ADCY2: variants seen among roughly 807,000 people sequenced by gnomAD.
ADCY2 encodes adenylate cyclase 2.
A neutral mutation model predicts 125.2 loss-of-function variants in ADCY2; 31 were observed. The observed-to-expected ratio is 0.25, with a 90% confidence interval of 0.19 to 0.33. The LOEUF is 0.33. Ranked by LOEUF, ADCY2 falls within the 10% of genes least tolerant of loss-of-function variation. The probability of loss-of-function intolerance (pLI) is 1.00; values close to 1 mark genes in which losing one functional copy is unlikely to be tolerated. For synonymous variants in ADCY2, 512 were observed against 548.4 expected (o/e 0.93, Z 0.93); for missense variants, 904 against 1,418.2 (o/e 0.64, Z 5.82).
Position 7,548,864 on chromosome 5 carries a change from T to C in ADCY2, c.570+27965T>C, listed in dbSNP as rs567744063. On this transcript the variant is annotated intron_variant, in intron 3 of 24. Transcript: ENST00000338316. ...GAAATTAAAAATAAACATGCAACCA[T>C]AATATTTACTTGTCTGCCTTTGTTT... 3.3e-5 allele frequency among the ~76,000 whole-genome samples: 5 copies of C among 152,298 alleles called. No homozygotes were observed. In the South Asian group the frequency reaches 1.0e-3, roughly 32 times the overall value.
chr5:7,494,026 C>T (rs915675449), intron 2 of ADCY2, among the ~76,000 whole-genome samples: 3 of 152,152 alleles, frequency 2.0e-5, no homozygotes, highest in African/African-American at 4.8e-5. Flanking sequence ...CAGGTCCCTC[C>T]TGCTCTGTGC....
At chr5:7,626,459 G>A in intron 4 of ADCY2, 143 bp downstream of exon 4, 3 of 920,250 alleles carry the variant, frequency 3.3e-6, no homozygotes, top group Non-Finnish European at 4.8e-6. Context: ...CCTGGGGAGT[G>A]TCTTAGTCTG....
intron 2 of ADCY2, among the ~76,000 whole-genome samples, chr5:7,474,451 G>A (rs943785721): frequency 1.3e-5 from 2 of 152,220 alleles, no homozygotes; most frequent in African/African-American, 4.8e-5. Context: ...GAGAGGGAGT[G>A]TACTGGACAA....
Position 7,784,493 on chromosome 5 carries a change from G to C in ADCY2, c.2469+44G>C, listed in dbSNP as rs754373411. On this transcript the variant is annotated intron_variant, in intron 19 of 24. Coordinates refer to ENST00000338316, the MANE Select transcript of ADCY2 (RefSeq NM_020546.3). Reference sequence around the variant, plus strand: ...TATATGTATGTATACCTTCTCTAAAGTGCTGTATTAATAGTGCTTTGCTGT... The same window carrying C: ...TATATGTATGTATACCTTCTCTAAACTGCTGTATTAATAGTGCTTTGCTGT... 5 of 1,436,066 alleles carry C rather than the reference G, an allele frequency of 3.5e-6. No homozygotes were observed. The Admixed American group carries it at 6.9e-5, about 20-fold the overall frequency. The allele number at this position is 1,436,066 out of a possible 1,614,324, so 89.0% of individuals were successfully genotyped here.
chr5:7,709,309 C>G lies in ADCY2; in HGVS notation c.1500C>G (p.Ser500=). The part of the protein sequence containing the change: ...ASVRMTRYLE[S]WGAAKPFAHL... ...TCCGCATGACCCGGTACTTGGAGTC[C>G]TGGGGGGCAGCCAAGCCCTTTGCAC... is the stretch of plus-strand genomic sequence containing the variant. Residue 500 remains serine (S), a synonymous_variant, in exon 10 of 25, where the codon TCC becomes TCG. Coordinates refer to ENST00000338316, the MANE Select transcript of ADCY2 (RefSeq NM_020546.3). This position sits in a 1 kb window ranked among gnomAD's most constrained non-coding sequence, Gnocchi z 4.4. The G allele has an allele frequency of 3.1e-6, 5 of 1,613,768 alleles. No individual in the cohort carries two copies. Among genetic ancestry groups the G allele is most frequent in the Non-Finnish European group, 4.2e-6 (5 of 1,179,878 alleles).
chr5:7,750,565 T>G (rs1302047386), intron 15 of ADCY2, among the ~76,000 whole-genome samples: 1 of 152,238 alleles, frequency 6.6e-6, no homozygotes, highest in Non-Finnish European at 1.5e-5. Flanking sequence ...TTATAATCCT[T>G]CCCATGAGGG....
At chr5:7,618,622 T>A (rs573135461) in intron 3 of ADCY2, among the ~76,000 whole-genome samples, 8 of 152,342 alleles carry the variant, frequency 5.3e-5, no homozygotes, top group African/African-American at 1.9e-4. Context: ...GTGGACCACA[T>A]GTGTCACCTA....
At chr5:7,737,438 G>A (rs80303477) in intron 14 of ADCY2, among the ~76,000 whole-genome samples, 5,570 of 152,202 alleles carry the variant, frequency 0.037, 357 homozygotes, top group African/African-American at 0.13. Context: ...AGAAAAGGCA[G>A]GAGTTGCAGG....
intron 3 of ADCY2, among the ~76,000 whole-genome samples, chr5:7,578,631 C>T (rs1257978927): frequency 6.6e-6 from 1 of 152,094 alleles, no homozygotes; most frequent in Non-Finnish European, 1.5e-5. Context: ...GAATCGTGGG[C>T]ATCTTATTTT....
intron 15 of ADCY2, among the ~76,000 whole-genome samples, chr5:7,745,898 G>C (rs1356481393): frequency 6.6e-6 from 1 of 152,160 alleles, no homozygotes; most frequent in African/African-American, 2.4e-5. Flanking sequence ...GAAACATAGA[G>C]CTGGGGGCAG....
chr5:7,568,432 CT>C (rs528341834), intron 3 of ADCY2, among the ~76,000 whole-genome samples: 21 of 148,252 alleles, frequency 1.4e-4, no homozygotes, highest in Non-Finnish European at 2.2e-4. Flanking sequence ...TTTGACAGCC[CT>C]TTTTTTTTTA....
At chr5:7,598,176 G>A (rs533626469) in intron 3 of ADCY2, among the ~76,000 whole-genome samples, 1 of 152,294 alleles carries the variant, frequency 6.6e-6, no homozygotes, top group Admixed American at 6.5e-5. Context: ...AGTGCCTCCT[G>A]TGCTGAGTCC....
Position 7,626,186 on chromosome 5 carries a change from T to C in ADCY2, c.590T>C (p.Ile197Thr). The C allele has an allele frequency of 6.2e-7, 1 of 1,613,982 alleles. No individual in the cohort carries two copies. The highest frequency in any genetic ancestry group is 8.5e-7 in the Non-Finnish European group (1 of 1,179,948). Residue 197 changes from isoleucine (I) to threonine (T), a missense_variant, in exon 4 of 25, where the codon ATT becomes ACT. Around this residue, in one of 7 missense-constraint regions of ADCY2, gnomAD observed 121 missense variants for 161.5 expected, o/e 0.75. Coordinates refer to ENST00000338316, the MANE Select transcript of ADCY2 (RefSeq NM_020546.3). Reference protein sequence around the residue: ...LVWQILANVIIFICGNLAGAY... With the variant: ...LVWQILANVITFICGNLAGAY... ...CTTTAGATCCTGGCCAATGTGATCA[T>C]TTTCATCTGTGGGAACCTGGCGGGA...
chr5:7,592,405 T>G (rs1736874166), intron 3 of ADCY2, among the ~76,000 whole-genome samples: 1 of 152,160 alleles, frequency 6.6e-6, no homozygotes, highest in Non-Finnish European at 1.5e-5. Context: ...ATAGAATGTT[T>G]CAGCACCTAT....
intron 3 of ADCY2, among the ~76,000 whole-genome samples, chr5:7,607,275 A>G (rs1053326151): frequency 1.3e-5 from 2 of 152,196 alleles, no homozygotes; most frequent in African/African-American, 4.8e-5. Context: ...AGCATCAGCC[A>G]TTATTCATTC....
At chr5:7,814,000 G>T (rs1745023854) in intron 22 of ADCY2, among the ~76,000 whole-genome samples, 1 of 150,234 alleles carries the variant, frequency 6.7e-6, no homozygotes, top group Non-Finnish European at 1.5e-5. Flanking sequence ...TCCAAATCAG[G>T]TTTTCCCCAT....
intron 20 of ADCY2, chr5:7,797,688 T>C (rs904058752): frequency 6.6e-6 from 1 of 152,234 alleles, no homozygotes; most frequent in Non-Finnish European, 1.5e-5. Flanking sequence ...CATTAAACAG[T>C]GTGCAGAGCT....
At chr5:7,689,523 C>CA (rs1056091543) in intron 4 of ADCY2, among the ~76,000 whole-genome samples, 2 of 152,128 alleles carry the variant, frequency 1.3e-5, no homozygotes, top group Non-Finnish European at 2.9e-5. Context: ...CTTGTCTTTC[C>CA]ATGGAGGGAT....
At chr5:7,775,722 T>C (rs958022265) in intron 18 of ADCY2, among the ~76,000 whole-genome samples, 1 of 152,208 alleles carries the variant, frequency 6.6e-6, no homozygotes, top group African/African-American at 2.4e-5. Context: ...ATTAAGTTAT[T>C]ATTGATTATA....
Sources: gnomAD v4.1 joint callset for allele counts (sites outside exome capture counted in the v4.1 genomes callset) on GRCh38, gnomAD v4.1.1 for gene constraint, gnomAD v4.1.1 regional missense constraint, Gnocchi (gnomAD v3.1) non-coding constraint, MANE v1.5 for transcripts, NCBI Gene and HGNC (gene_info 2026-07-23, HGNC 2026-07-21) for gene names.